The following SH3RF3 variants were observed in gnomAD, a reference collection of about 807,000 sequenced individuals.
The protein encoded by SH3RF3 is E3 ubiquitin-protein ligase SH3RF3.
In SH3RF3, 29 loss-of-function variants were observed where a neutral mutation model predicts 66.3. The ratio of observed to expected loss-of-function variants is 0.44; its 90% CI spans 0.33 to 0.60. The LOEUF is 0.60. Ranked by LOEUF, SH3RF3 falls within the 20% of genes least tolerant of loss-of-function variation. The pLI is 0.04. For synonymous variants in SH3RF3, 583 were observed against 532.0 expected (o/e 1.10, Z -1.32); for missense variants, 1,194 against 1,190.9 (o/e 1.00, Z -0.04).
rs557369039 is a variant in SH3RF3, at chr2:109,248,935, T to A, written c.574-98739T>A. Among the ~76,000 whole-genome samples, 145 of 147,564 alleles carry A rather than the reference T, an allele frequency of 9.8e-4. 1 individual carries two copies. Among genetic ancestry groups the A allele is most frequent in the African/African-American group, 3.4e-3 (137 of 40,010 alleles). On this transcript the variant is annotated intron_variant, in intron 1 of 9. Coordinates refer to ENST00000309415, the MANE Select transcript of SH3RF3 (RefSeq NM_001099289.3). The stretch of plus-strand genomic sequence containing the variant: ...CTGTCCTGTCCTGTCCTGTCCTGTC[T>A]TGCTCTGTCACCCAGGCTGGGATGC...
At chr2:109,191,161 G>A (rs753802487) in intron 1 of SH3RF3, among the ~76,000 whole-genome samples, 3 of 152,126 alleles carry the variant, frequency 2.0e-5, no homozygotes, top group African/African-American at 4.8e-5. Context: ...GGTCCCCAAC[G>A]TGCTATCAAC....
At chr2:109,202,434 A>G (rs186026378) in intron 1 of SH3RF3, among the ~76,000 whole-genome samples, 1 of 152,296 alleles carries the variant, frequency 6.6e-6, no homozygotes, top group East Asian at 1.9e-4. Context: ...TACAATTACT[A>G]AATGTAGTAC....
chr2:109,178,231 T>G (rs1252091376), intron 1 of SH3RF3, among the ~76,000 whole-genome samples: 1 of 152,246 alleles, frequency 6.6e-6, no homozygotes, highest in Admixed American at 6.5e-5. Context: ...CAGAGTCATA[T>G]TCTATAAATT....
At chr2:109,390,650 G>A (rs148928683) in intron 3 of SH3RF3, among the ~76,000 whole-genome samples, 33 of 152,258 alleles carry the variant, frequency 2.2e-4, no homozygotes, top group African/African-American at 6.7e-4. Context: ...GGGTGCGGTC[G>A]GCATTTCTGG....
chr2:109,344,805 G>T (rs180864928), intron 1 of SH3RF3, among the ~76,000 whole-genome samples: 2 of 152,164 alleles, frequency 1.3e-5, no homozygotes, highest in Non-Finnish European at 2.9e-5. Flanking sequence ...GGATTTCATG[G>T]CCAGAGGAGG....
intron 1 of SH3RF3, among the ~76,000 whole-genome samples, chr2:109,273,396 G>T (rs1244625668): frequency 2.6e-5 from 4 of 152,208 alleles, no homozygotes; most frequent in African/African-American, 9.7e-5. Flanking sequence ...GGGGGAGGCA[G>T]GTCTCCAAGG....
rs1179850960 is a variant in SH3RF3 at position 109,173,431 on chromosome 2, A to ATGACATAGTTCTTCATTGCC, written c.573+43320_573+43339dup. Among the ~76,000 whole-genome samples, 3 of 152,270 alleles carry ATGACATAGTTCTTCATTGCC rather than the reference A, an allele frequency of 2.0e-5. No individual in the cohort carries two copies. In the East Asian group the frequency reaches 5.8e-4, roughly 29 times the overall value. On this transcript the variant is annotated intron_variant, in intron 1 of 9. Coordinates refer to ENST00000309415, the MANE Select transcript of SH3RF3 (RefSeq NM_001099289.3). ...TCTTGGTTTGGAAGAATTCGGATAAATGACATAGTTCTTCATTGCCTCTCC... is the reference window on the plus strand; with the variant it reads ...TCTTGGTTTGGAAGAATTCGGATAAATGACATAGTTCTTCATTGCCTGACATAGTTCTTCATTGCCTCTCC...
chr2:109,298,034 G>C (rs1191473241), intron 1 of SH3RF3, among the ~76,000 whole-genome samples: 1 of 152,206 alleles, frequency 6.6e-6, no homozygotes, highest in Non-Finnish European at 1.5e-5. Context: ...GTGTGGTGCA[G>C]TGTGGGAACG....
chr2:109,432,939 A>G (rs567720660), intron 6 of SH3RF3, among the ~76,000 whole-genome samples: 84 of 152,364 alleles, frequency 5.5e-4, no homozygotes, highest in Non-Finnish European at 1.0e-3. Flanking sequence ...CAGGAAAGTC[A>G]CCAGAATGAG....
chr2:109,472,368 TG>T (rs900323456), intron 8 of SH3RF3, among the ~76,000 whole-genome samples: 1 of 151,634 alleles, frequency 6.6e-6, no homozygotes, highest in Non-Finnish European at 1.5e-5. Flanking sequence ...GCATGCAGGG[TG>T]TCCTGGAAGC....
At chr2:109,271,693 A>G (rs1574542560) in intron 1 of SH3RF3, among the ~76,000 whole-genome samples, 1 of 152,176 alleles carries the variant, frequency 6.6e-6, no homozygotes, top group African/African-American at 2.4e-5. Flanking sequence ...GTCATTTAGG[A>G]CGAAGGGCCC....
chr2:109,431,661 T>C (rs1030934258), intron 5 of SH3RF3, among the ~76,000 whole-genome samples: 1 of 152,138 alleles, frequency 6.6e-6, no homozygotes, highest in African/African-American at 2.4e-5. Context: ...TGCTTGAGAC[T>C]AGGAGCTCAA....
At position 109,170,219 on chromosome 2, in the gene SH3RF3, TTTCTC is replaced by T. The variant is rs1318151343; in HGVS notation, c.573+40121_573+40125del. 1.6e-3 allele frequency among the ~76,000 whole-genome samples: 234 copies of T among 148,228 alleles called. 5 individuals are homozygous for T. Among genetic ancestry groups the T allele is most frequent in the Middle Eastern group, 0.014 (4 of 292 alleles). ...CGAGATGTTTTCTTTCTCTCTCTTTTTTCTCTTCTCTTCTCTTCTTTTCTTTTCTC... is the reference window on the plus strand; with the variant it reads ...CGAGATGTTTTCTTTCTCTCTCTTTTTTCTCTTCTCTTCTTTTCTTTTCTC... On this transcript the variant is annotated intron_variant, in intron 1 of 9. Transcript: ENST00000309415.
intron 8 of SH3RF3, among the ~76,000 whole-genome samples, chr2:109,471,094 C>T (rs1665640762): frequency 6.6e-6 from 1 of 151,588 alleles, no homozygotes; most frequent in African/African-American, 2.4e-5. Flanking sequence ...TTGGCAGGTG[C>T]CTCTAATCCC....
chr2:109,332,288 A>C (rs550526225), intron 1 of SH3RF3, among the ~76,000 whole-genome samples: 9 of 151,748 alleles, frequency 5.9e-5, no homozygotes, highest in Non-Finnish European at 1.3e-4. Flanking sequence ...TGGCACGCCA[A>C]CTCTCTCCTG....
In SH3RF3 at chr2:109,355,890, C is replaced by G. The variant is rs548276716; in HGVS notation, c.849+7941C>G. Among the ~76,000 whole-genome samples the G allele has an allele frequency of 2.6e-5, 4 of 152,286 alleles. No homozygotes were observed. The South Asian group carries it at 8.3e-4, about 32-fold the overall frequency. On this transcript the variant is annotated intron_variant, in intron 2 of 9. Coordinates refer to ENST00000309415, the MANE Select transcript of SH3RF3 (RefSeq NM_001099289.3). Reference sequence around the variant, plus strand: ...CCTTGTCCTTCTGAAAGCAATGGCTCCAGGTTTTTGTAACATGAGGACAAA... The same window carrying G: ...CCTTGTCCTTCTGAAAGCAATGGCTGCAGGTTTTTGTAACATGAGGACAAA...
intron 1 of SH3RF3, among the ~76,000 whole-genome samples, chr2:109,183,211 C>G (rs563271783): frequency 6.6e-6 from 1 of 152,168 alleles, no homozygotes; most frequent in African/African-American, 2.4e-5. Context: ...TGTTAACTTG[C>G]CTTCTTGTAT....
intron 8 of SH3RF3, among the ~76,000 whole-genome samples, chr2:109,454,799 C>T (rs1677992390): frequency 1.3e-5 from 2 of 152,206 alleles, no homozygotes; most frequent in African/African-American, 4.8e-5. Flanking sequence ...ATCTCGAAGC[C>T]TTAGGTCGAC....
Position 109,251,454 on chromosome 2 carries a change from A to G in SH3RF3, c.574-96220A>G, listed in dbSNP as rs371036379. 1.4e-5 allele frequency: 10 copies of G among 726,652 alleles called. No homozygotes were observed. In the African/African-American group the frequency reaches 1.6e-4, roughly 11 times the overall value. 45.0% of individuals were successfully genotyped at this position (726,652 alleles called of 1,614,324 possible). On this transcript the variant is annotated intron_variant, in intron 1 of 9. Transcript: ENST00000309415. Reference sequence around the variant, plus strand: ...AAGCTCACCCTCCCGAGTTGAAAAAATCTATGGACAAGAAGTTGTCATTGA... The same window carrying G: ...AAGCTCACCCTCCCGAGTTGAAAAAGTCTATGGACAAGAAGTTGTCATTGA...
Sources: allele counts gnomAD v4.1 joint callset (sites outside exome capture counted in the v4.1 genomes callset), GRCh38; gene constraint gnomAD v4.1.1; transcripts MANE v1.5; gene names NCBI Gene and HGNC (gene_info 2026-07-23, HGNC 2026-07-21).